SLC35F4: variants seen among roughly 807,000 people sequenced by gnomAD.
SLC35F4 encodes solute carrier family 35 member F4.
Under a neutral mutation model 44.2 loss-of-function variants are expected in SLC35F4, and 24 were observed. The observed-to-expected ratio is 0.54, with a 90% CI of 0.39 to 0.76. The LOEUF (loss-of-function observed/expected upper bound fraction) is 0.76, where lower values mean the gene tolerates loss of function less well. Ranked by LOEUF, SLC35F4 falls within the 30% of genes least tolerant of loss-of-function variation. SLC35F4 has a pLI of 0.00. For synonymous variants in SLC35F4, 238 were observed against 223.6 expected, an observed-to-expected ratio of 1.06 and a Z score of -0.57; for missense variants, 562 against 586.1, an observed-to-expected ratio of 0.96 and a Z score of 0.42.
intron 1 of SLC35F4, among the ~76,000 whole-genome samples, chr14:57,894,941 T>G (rs982400165): frequency 2.0e-5 from 3 of 152,306 alleles, no homozygotes; most frequent in African/African-American, 7.2e-5. Flanking sequence ...TTGTCTTCTC[T>G]TCAACATCTA....
chr14:57,859,610 A>G (rs568992515), intron 1 of SLC35F4, among the ~76,000 whole-genome samples: 1 of 152,188 alleles, frequency 6.6e-6, no homozygotes, highest in Non-Finnish European at 1.5e-5. Context: ...TACTTCAGGT[A>G]TTTGATTAGG....
chr14:57,838,360 A>G lies in SLC35F4; in HGVS notation c.103+27363T>C, dbSNP rs1001122828. On this transcript the variant is annotated intron_variant, in intron 1 of 7. Transcript: ENST00000556826. ...TCATAGCTTGTTCCCTAAACATTCT[A>G]TGTGCTCAAACTATCTTCTAGTCAG... is the stretch of plus-strand genomic sequence containing the variant. Among the ~76,000 whole-genome samples the G allele has an allele frequency of 2.6e-5, 4 of 152,346 alleles. No homozygotes were observed. The South Asian group carries it at 8.3e-4, about 32-fold the overall frequency.
intron 1 of SLC35F4, among the ~76,000 whole-genome samples, chr14:57,790,958 C>A (rs1651888011): frequency 6.6e-6 from 1 of 152,114 alleles, no homozygotes; most frequent in South Asian, 2.1e-4. Flanking sequence ...TGGACCCATT[C>A]CTTACACTTT....
chr14:57,848,336 C>T (rs866757952), intron 1 of SLC35F4, among the ~76,000 whole-genome samples: 4 of 152,170 alleles, frequency 2.6e-5, no homozygotes, highest in African/African-American at 7.2e-5. Context: ...ACAGAGACAC[C>T]AGGCATGGTT....
At chr14:57,941,375 C>T (rs1009781013) in intron 1 of SLC35F4, among the ~76,000 whole-genome samples, 1 of 152,130 alleles carries the variant, frequency 6.6e-6, no homozygotes, top group Admixed American at 6.5e-5. Context: ...AGTACTGATA[C>T]ATGCTGTAAC....
chr14:57,899,055 C>T (rs1446349055), intron 1 of SLC35F4, among the ~76,000 whole-genome samples: 1 of 152,178 alleles, frequency 6.6e-6, no homozygotes, highest in Non-Finnish European at 1.5e-5. Flanking sequence ...CGTGGGGACA[C>T]AGCACATGAC....
chr14:57,877,430 TCTG>T (rs1490317755), intron 1 of SLC35F4, among the ~76,000 whole-genome samples: 1 of 152,216 alleles, frequency 6.6e-6, no homozygotes, highest in African/African-American at 2.4e-5. Context: ...TTATTCCATG[TCTG>T]CTATTGTGAA....
chr14:57,870,657 A>G (rs1595258572), upstream of SLC35F4, among the ~76,000 whole-genome samples: 1 of 152,352 alleles, frequency 6.6e-6, no homozygotes, highest in East Asian at 1.9e-4. Context: ...TGTGATGGTT[A>G]AGTGAGATCA....
chr14:57,682,676 A>C (rs1230038896), intron 1 of SLC35F4, among the ~76,000 whole-genome samples: 1 of 151,416 alleles, frequency 6.6e-6, no homozygotes, highest in East Asian at 1.9e-4. Flanking sequence ...TTTGCTACTT[A>C]CTTGGCAAAG....
chr14:57,728,441 C>CTTT (rs869064667), intron 1 of SLC35F4, among the ~76,000 whole-genome samples: 87 of 58,938 alleles, frequency 1.5e-3, no homozygotes, highest in East Asian at 4.2e-3. Flanking sequence ...TTCTTTCTTT[C>CTTT]TTTTTTTTTT....
intron 1 of SLC35F4, among the ~76,000 whole-genome samples, chr14:57,907,466 A>G (rs139397176): frequency 7.0e-4 from 106 of 152,302 alleles, no homozygotes; most frequent in African/African-American, 2.4e-3. Flanking sequence ...GGAAAACAGA[A>G]ATCCTCTTCT....
chr14:57,719,956 G>A (rs936800282), intron 1 of SLC35F4, among the ~76,000 whole-genome samples: 3 of 151,944 alleles, frequency 2.0e-5, no homozygotes, highest in Admixed American at 2.0e-4. Flanking sequence ...TGTCATATAT[G>A]GTTTTTATTA....
At chr14:57,784,259 T>C (rs2077701600) in intron 1 of SLC35F4, among the ~76,000 whole-genome samples, 1 of 152,174 alleles carries the variant, frequency 6.6e-6, no homozygotes, top group African/African-American at 2.4e-5. Context: ...AAAAAAATGA[T>C]TTTAGACAAT....
intron 1 of SLC35F4, among the ~76,000 whole-genome samples, chr14:57,904,923 C>A (rs867367930): frequency 6.6e-6 from 1 of 152,180 alleles, no homozygotes; most frequent in Non-Finnish European, 1.5e-5. Flanking sequence ...AAAGAAAAGG[C>A]TATTTTGTGT....
intron 1 of SLC35F4, among the ~76,000 whole-genome samples, chr14:57,875,855 A>T (rs753599580): frequency 6.6e-6 from 1 of 152,170 alleles, no homozygotes; most frequent in Non-Finnish European, 1.5e-5. Flanking sequence ...CATCCAACTA[A>T]TGTAAATCAA....
intron 1 of SLC35F4, among the ~76,000 whole-genome samples, chr14:57,920,998 G>A (rs568449690): frequency 1.3e-5 from 2 of 152,288 alleles, no homozygotes; most frequent in African/African-American, 2.4e-5. Flanking sequence ...AAGAACAATT[G>A]AAGATGATTT....
intron 1 of SLC35F4, among the ~76,000 whole-genome samples, chr14:57,958,117 G>A (rs1038492397): frequency 6.6e-6 from 1 of 151,618 alleles, no homozygotes; most frequent in Non-Finnish European, 1.5e-5. Context: ...GTGCAGTGGC[G>A]CGAAATCTCA....
At chr14:57,910,161 T>C (rs1172692451) in intron 1 of SLC35F4, among the ~76,000 whole-genome samples, 5 of 152,140 alleles carry the variant, frequency 3.3e-5, no homozygotes, top group Non-Finnish European at 7.4e-5. Flanking sequence ...ATTTTCTTAT[T>C]ACTGAGTTTT....
chr14:57,940,365 C>A (rs1485372878), intron 1 of SLC35F4, among the ~76,000 whole-genome samples: 1 of 152,070 alleles, frequency 6.6e-6, no homozygotes. Context: ...CATTTAAAAA[C>A]AATCCTAAAA....
Sources: allele counts gnomAD v4.1 joint callset (sites outside exome capture counted in the v4.1 genomes callset), GRCh38; gene constraint gnomAD v4.1.1; transcripts MANE v1.5; gene names NCBI Gene and HGNC (gene_info 2026-07-23, HGNC 2026-07-21).